ADAMTS13: variants seen among roughly 807,000 people sequenced by gnomAD.
The protein encoded by ADAMTS13 is ADAM metallopeptidase with thrombospondin type 1 motif 13.
A neutral mutation model predicts 155.1 loss-of-function variants in ADAMTS13; 110 were observed. The ratio of observed to expected loss-of-function variants is 0.71; its 90% CI spans 0.61 to 0.83. The LOEUF (loss-of-function observed/expected upper bound fraction) is 0.83, where lower values mean the gene tolerates loss of function less well. Ranked by LOEUF, ADAMTS13 falls within the 40% of genes least tolerant of loss-of-function variation. The pLI is 0.00. For synonymous variants in ADAMTS13, 758 were observed against 756.4 expected (o/e 1.00, Z -0.03); for missense variants, 1,707 against 1,891.7 (o/e 0.90, Z 1.81).
At position 133,444,970 on chromosome 9, in the gene ADAMTS13, C is replaced by T; in HGVS notation, c.2528C>T (p.Thr843Ile). 1 of 1,613,522 alleles carries T rather than the reference C, an allele frequency of 6.2e-7. No individual in the cohort carries two copies. The highest frequency in any genetic ancestry group is 8.5e-7 in the Non-Finnish European group (1 of 1,180,032). ...PGADGLEAPV[T>I]EGPGSVDEKL... ...GCAGATGGCCTGGAGGCTCCAGTGA[C>T]TGAGGGGCCTGGCTCCGTAGATGAG... Residue 843 changes from threonine (T) to isoleucine (I), a missense_variant, in exon 20 of 29, where the codon ACT (threonine) becomes ATT (isoleucine). Physicochemically the swap from Thr to Ile is moderately conservative, Grantham distance 89. This residue lies in a region of ADAMTS13 where 961 missense variants were observed against 1,107.9 expected (regional missense o/e 0.87). Transcript: ENST00000355699.
At chr9:133,455,574 C>G in intron 25 of ADAMTS13, 139 bp downstream of exon 25, 1 of 1,606,186 alleles carries the variant, frequency 6.2e-7, no homozygotes, top group Non-Finnish European at 8.5e-7. Context: ...CGGCTCCTGC[C>G]CGGGCCCCAG....
intron 1 of ADAMTS13, among the ~76,000 whole-genome samples, 167 bp from the exon 2 acceptor site, chr9:133,422,934 C>CT (rs71281254): frequency 0.062 from 5,747 of 93,154 alleles, 289 homozygotes; most frequent in Non-Finnish European, 0.079. Context: ...CTCTCTCTCT[C>CT]TTTTTTTTTT....
chr9:133,438,015 GT>G, intron 13 of ADAMTS13, 118 bp downstream of exon 13: 1 of 1,562,290 alleles, frequency 6.4e-7, no homozygotes, highest in Non-Finnish European at 8.7e-7. Context: ...CTGCAGGGGA[GT>G]GGTGCTGGGG....
chr9:133,430,239 T>C, intron 8 of ADAMTS13, 138 bp downstream of exon 8: 1 of 1,095,640 alleles, frequency 9.1e-7, no homozygotes, highest in Non-Finnish European at 1.3e-6. Context: ...CGGCTTAGTT[T>C]AATGCTGTCT....
chr9:133,440,337 C>T lies in ADAMTS13; in HGVS notation c.1787-7C>T, dbSNP rs144432149. ...CCACACAGCTAACAGGGCTGGTTCCCCGACAGCGGTGAGGATCGGAGGGCG... is the reference window on the plus strand; with the variant it reads ...CCACACAGCTAACAGGGCTGGTTCCTCGACAGCGGTGAGGATCGGAGGGCG... On this transcript the variant is annotated splice_region_variant and splice_polypyrimidine_tract_variant and intron_variant, in intron 15 of 28. Coordinates refer to ENST00000355699, the MANE Select transcript of ADAMTS13 (RefSeq NM_139027.6). The surrounding 1 kb of genome is among the most constrained non-coding windows in gnomAD (Gnocchi z 4.3). The T allele has an allele frequency of 8.5e-4, 1,372 of 1,613,932 alleles. 14 individuals are homozygous for T. The African/African-American group carries it at 0.017, about 20-fold the overall frequency.
In ADAMTS13 at chr9:133,445,040, A is replaced by C; in HGVS notation, c.2598A>C (p.Pro866=). The C allele has an allele frequency of 6.2e-7, 1 of 1,613,034 alleles. No homozygotes were observed. Among genetic ancestry groups the C allele is most frequent in the Non-Finnish European group, 8.5e-7 (1 of 1,179,936 alleles). ...CCTGTGTCGGGATGTCATGTCCTCCAGGCTGGGGCCATGTGAGTGCCCTGG... is the reference window on the plus strand; with the variant it reads ...CCTGTGTCGGGATGTCATGTCCTCCCGGCTGGGGCCATGTGAGTGCCCTGG... ...PEPCVGMSCP[P]GWGHLDATSA... The change falls in exon 20 of 29, where the codon CCA becomes CCC. Residue 866 remains proline, a synonymous_variant. Transcript: ENST00000355699. The surrounding 1 kb of genome is among the most constrained non-coding windows in gnomAD (Gnocchi z 5.0).
At position 133,433,650 on chromosome 9, in the gene ADAMTS13, T is replaced by TG. The variant is rs781886798; in HGVS notation, c.1260dup (p.Arg421AlafsTer7). 2 of 1,613,920 alleles carry TG rather than the reference T, an allele frequency of 1.2e-6. No homozygotes were observed. Among genetic ancestry groups the TG allele is most frequent in the Non-Finnish European group, 8.5e-7 (1 of 1,179,970 alleles). Reference sequence around the variant, plus strand: ...TGCTGGGCATTTTCAGACCTGCCTTTGGGGGGCGTGCATGTGTTGGTGCTG... The same window carrying TG: ...TGCTGGGCATTTTCAGACCTGCCTTTGGGGGGGCGTGCATGTGTTGGTGCTG... On this transcript the variant is annotated frameshift_variant, in exon 11 of 29. Coordinates refer to ENST00000355699, the MANE Select transcript of ADAMTS13 (RefSeq NM_139027.6). LOFTEE classifies it high-confidence loss of function.
At position 133,444,947 on chromosome 9, in the gene ADAMTS13, A is replaced by G. The variant is rs1162253579; in HGVS notation, c.2505A>G (p.Ala835=). 6.2e-7 allele frequency: 1 copy of G among 1,613,384 alleles called. No homozygotes were observed. Among genetic ancestry groups the G allele is most frequent in the Non-Finnish European group, 8.5e-7 (1 of 1,180,042 alleles). ...AGAACGAGACCTGTGTGCCAGGGGC[A>G]GATGGCCTGGAGGCTCCAGTGACTG... ...ALENETCVPG[A]DGLEAPVTEG... is the part of the protein sequence containing the mutation. The change falls in exon 20 of 29, where the codon GCA becomes GCG. Residue 835 remains alanine, a synonymous_variant. Transcript: ENST00000355699.
At chr9:133,433,562 G>C (rs781963152) in intron 10 of ADAMTS13, 33 bp downstream of exon 10, 5 of 1,613,796 alleles carry the variant, frequency 3.1e-6, no homozygotes, top group Non-Finnish European at 4.2e-6. Flanking sequence ...CTGTCAGGGA[G>C]TGTGGCCATA....
At chr9:133,414,430 G>C in exon 1 of ADAMTS13, 1 of 688,014 alleles carries the variant, frequency 1.5e-6, no homozygotes, top group South Asian at 1.5e-5. Context: ...TTCCACACAC[G>C]TGTACTGGCA....
rs1030960554 is a variant in ADAMTS13, at chr9:133,442,303, A to G, written c.1969-96A>G. ...GCTTGCTGAACGAAAGATTATAGGG[A>G]TGCAAGAAGAAGTTGGAAGGCTTCC... is the stretch of plus-strand genomic sequence containing the variant. On this transcript the variant is annotated intron_variant, in intron 16 of 28. Coordinates refer to ENST00000355699, the MANE Select transcript of ADAMTS13 (RefSeq NM_139027.6). 1.2e-5 allele frequency: 19 copies of G among 1,578,630 alleles called. No homozygotes were observed. The African/African-American group carries it at 2.6e-4, about 21-fold the overall frequency.
At chr9:133,416,950 G>C (rs1839656594) in intron 1 of ADAMTS13, among the ~76,000 whole-genome samples, 1 of 152,174 alleles carries the variant, frequency 6.6e-6, no homozygotes, top group Non-Finnish European at 1.5e-5. Flanking sequence ...TCTGCTATCT[G>C]CTTTTCACTT....
At position 133,440,637 on chromosome 9, in the gene ADAMTS13, G is replaced by A. The variant is rs145339112; in HGVS notation, c.1968+112G>A. ...TGATTCGTTCATTTATTCATTCAGC[G>A]GTCACTTACAGGGGACCCACTATGT... On this transcript the variant is annotated intron_variant, in intron 16 of 28. Coordinates refer to ENST00000355699, the MANE Select transcript of ADAMTS13 (RefSeq NM_139027.6). The surrounding 1 kb of genome is among the most constrained non-coding windows in gnomAD (Gnocchi z 4.3). 2.1e-4 allele frequency: 282 copies of A among 1,314,016 alleles called. 1 individual carries two copies. In the African/African-American group the frequency reaches 3.4e-3, roughly 16 times the overall value. 81.4% of individuals were successfully genotyped at this position (1,314,016 alleles called of 1,614,324 possible). A position where few individuals can be genotyped will look rare whatever the true frequency, so the allele number is the denominator to read the frequency against.
rs1564408134 is a variant in ADAMTS13 at position 133,424,744 on chromosome 9, C to CCAGGAAG, written c.330+266_330+267insCAGGAAG. On this transcript the variant is annotated intron_variant, in intron 3 of 28. Coordinates refer to ENST00000355699, the MANE Select transcript of ADAMTS13 (RefSeq NM_139027.6). The surrounding 1 kb of genome is among the most constrained non-coding windows in gnomAD (Gnocchi z 4.3). ...CCACCCTCAAGCCTGGCCTCTTCCC[C>CCAGGAAG]AGTATCCATTTGACCCCCACAAAGC... 6.6e-6 allele frequency among the ~76,000 whole-genome samples: 1 copy of CCAGGAAG among 152,164 alleles called. No homozygotes were observed. The highest frequency in any genetic ancestry group is 1.5e-5 in the Non-Finnish European group (1 of 68,028).
In ADAMTS13 at chr9:133,424,203, A is replaced by G. The variant is rs36218551; in HGVS notation, c.173-118A>G. 4.1e-4 allele frequency: 616 copies of G among 1,508,820 alleles called. 1 individual carries two copies. In the African/African-American group the frequency reaches 7.7e-3, roughly 19 times the overall value. 93.5% of individuals were successfully genotyped at this position (1,508,820 alleles called of 1,614,324 possible). A position where few individuals can be genotyped will look rare whatever the true frequency, so the allele number is the denominator to read the frequency against. The stretch of plus-strand genomic sequence containing the variant: ...GTCTGGCTCTTGGGGTGGGGGTGAC[A>G]CGCAATGTCTTGACTTCGGAAGGCC... On this transcript the variant is annotated intron_variant, in intron 2 of 28. Transcript: ENST00000355699. The surrounding 1 kb of genome is among the most constrained non-coding windows in gnomAD (Gnocchi z 4.3).
chr9:133,446,985 G>A (rs1174446188), intron 21 of ADAMTS13, among the ~76,000 whole-genome samples: 1 of 152,156 alleles, frequency 6.6e-6, no homozygotes, highest in African/African-American at 2.4e-5. Context: ...AGCCTCCCGA[G>A]TAGCTAGGAC....
At chr9:133,447,564 A>G (rs1015866352) in intron 21 of ADAMTS13, among the ~76,000 whole-genome samples, 8 of 149,002 alleles carry the variant, frequency 5.4e-5, no homozygotes, top group African/African-American at 1.7e-4. Flanking sequence ...ACTGTGCCCA[A>G]CCAAGAGATT....
At chr9:133,436,713 A>G in intron 11 of ADAMTS13, 116 bp from the exon 12 acceptor site, 2 of 1,089,580 alleles carry the variant, frequency 1.8e-6, no homozygotes, top group Non-Finnish European at 2.7e-6. Flanking sequence ...CACGGCCTGG[A>G]GCTGAGGCCA....
intron 14 of ADAMTS13, 39 bp from the exon 15 acceptor site, chr9:133,439,327 G>A (rs1554789996): frequency 6.8e-7 from 1 of 1,462,842 alleles, no homozygotes; most frequent in Admixed American, 1.7e-5. Context: ...TGTGGTGGCT[G>A]TGAGGTCCAC....
Sources: allele counts gnomAD v4.1 joint callset (sites outside exome capture counted in the v4.1 genomes callset), GRCh38; gene constraint gnomAD v4.1.1; regional missense constraint gnomAD v4.1.1; non-coding constraint Gnocchi (gnomAD v3.1); transcripts MANE v1.5; gene names NCBI Gene and HGNC (gene_info 2026-07-23, HGNC 2026-07-21).